Variants in ZC3HAV1 observed in about 807,000 individuals in gnomAD.
ZC3HAV1 encodes zinc finger CCCH-type antiviral protein 1.
ZC3HAV1 carries 41 observed loss-of-function variants against 86.6 expected under a neutral mutation model. The observed-to-expected ratio is 0.47, with a 90% CI of 0.37 to 0.61. The LOEUF is 0.61. Among genes scored for constraint, ZC3HAV1 ranks in the 20% least tolerant of loss-of-function variants. The pLI, the probability that ZC3HAV1 is intolerant of heterozygous loss-of-function variation, is 0.00. For synonymous variants in ZC3HAV1, 421 were observed against 432.1 expected, an observed-to-expected ratio of 0.97 and a Z score of 0.32; for missense variants, 964 against 1,141.1, an observed-to-expected ratio of 0.84 and a Z score of 2.24.
intron 2 of ZC3HAV1, among the ~76,000 whole-genome samples, chr7:139,084,264 C>G (rs1162771176): frequency 6.6e-6 from 1 of 152,166 alleles, no homozygotes; most frequent in Non-Finnish European, 1.5e-5. Context: ...TTTGATAACC[C>G]TTGGAAGAAT....
At chr7:139,072,262 T>C (rs770222593) in intron 7 of ZC3HAV1, among the ~76,000 whole-genome samples, 50 of 152,050 alleles carry the variant, frequency 3.3e-4, no homozygotes, top group Non-Finnish European at 5.0e-4. Context: ...CTCGGCTCAC[T>C]GCAACCTCTG....
At chr7:139,095,862 G>A (rs992954569) in intron 1 of ZC3HAV1, among the ~76,000 whole-genome samples, 1 of 152,160 alleles carries the variant, frequency 6.6e-6, no homozygotes, top group African/African-American at 2.4e-5. Context: ...AAATCAGAAG[G>A]TAGGAGACGG....
chr7:139,107,492 T>A (rs528280393), intron 1 of ZC3HAV1, among the ~76,000 whole-genome samples: 7 of 152,210 alleles, frequency 4.6e-5, no homozygotes, highest in Non-Finnish European at 1.0e-4. Context: ...GGAGTTTTTG[T>A]TAGGTGCGTG....
At chr7:139,066,980 C>G (rs1268298046) in intron 7 of ZC3HAV1, among the ~76,000 whole-genome samples, 2 of 152,120 alleles carry the variant, frequency 1.3e-5, no homozygotes, top group East Asian at 3.8e-4. Context: ...TCAGCCAGCT[C>G]CCGGGTGATG....
intron 1 of ZC3HAV1, among the ~76,000 whole-genome samples, chr7:139,100,643 A>G (rs1276628352): frequency 6.6e-6 from 1 of 152,234 alleles, no homozygotes; most frequent in Non-Finnish European, 1.5e-5. Context: ...CCACTTGGCC[A>G]CTATGTGAGG....
intron 5 of ZC3HAV1, among the ~76,000 whole-genome samples, chr7:139,077,969 T>C (rs1327634154): frequency 6.6e-6 from 1 of 152,324 alleles, no homozygotes; most frequent in East Asian, 1.9e-4. Context: ...CTGGGCACAG[T>C]GGCTCATGCC....
chr7:139,106,547 G>C (rs2130744081), intron 1 of ZC3HAV1, among the ~76,000 whole-genome samples: 1 of 152,314 alleles, frequency 6.6e-6, no homozygotes, highest in African/African-American at 2.4e-5. Flanking sequence ...CTGGGAGGCA[G>C]AGTTTGCAGT....
intron 10 of ZC3HAV1, among the ~76,000 whole-genome samples, 177 bp from the exon 11 acceptor site, chr7:139,054,272 G>A (rs1440095802): frequency 6.6e-6 from 1 of 152,172 alleles, no homozygotes; most frequent in African/African-American, 2.4e-5. Flanking sequence ...ATTAATCAGA[G>A]AGGCAGCGGG....
chr7:139,079,463 T>C lies in ZC3HAV1; in HGVS notation c.1471+7A>G. 1 of 1,614,134 alleles carries C rather than the reference T, an allele frequency of 6.2e-7. No individual in the cohort carries two copies. Among genetic ancestry groups the C allele is most frequent in the Admixed American group, 1.7e-5 (1 of 60,002 alleles). The stretch of plus-strand genomic sequence containing the variant: ...ACTAGCCCAAAGTGTCTTCCCTTTG[T>C]ATTTACCGTTAACAAGTGCTACTCT... On this transcript the variant is annotated splice_region_variant and intron_variant, in intron 4 of 12. Transcript: ENST00000242351.
At position 139,076,463 on chromosome 7, in the gene ZC3HAV1, T is replaced by G; in HGVS notation, c.1574-54A>C. On this transcript the variant is annotated intron_variant, in intron 5 of 12. Coordinates refer to ENST00000242351, the MANE Select transcript of ZC3HAV1 (RefSeq NM_020119.4). ...ACTGTTGAGCAGGGATTCTAACCAA[T>G]TCAGTCAAGTTCACTGCCAGCTTTC... The G allele has an allele frequency of 1.9e-6, 3 of 1,601,466 alleles. No individual in the cohort carries two copies. In the South Asian group the frequency reaches 3.3e-5, roughly 18 times the overall value.
chr7:139,057,595 G>A (rs1165118643), intron 9 of ZC3HAV1, among the ~76,000 whole-genome samples: 2 of 19,916 alleles, frequency 1.0e-4, no homozygotes, highest in African/African-American at 3.1e-4. Context: ...CTGGAGTGCA[G>A]TGGCGCGATC....
intron 10 of ZC3HAV1, 96 bp from the exon 11 acceptor site, chr7:139,054,191 C>A (rs1816217441): frequency 7.9e-7 from 1 of 1,269,542 alleles, no homozygotes; most frequent in Non-Finnish European, 1.0e-6. Context: ...AGTATTGTTA[C>A]CAGGGTTCTT....
rs554568246 is a variant in ZC3HAV1 at position 139,079,830 on chromosome 7, C to T, written c.1111G>A (p.Ala371Thr). 1.1e-5 allele frequency: 18 copies of T among 1,614,078 alleles called. No individual in the cohort carries two copies. The East Asian group carries it at 1.3e-4, about 12-fold the overall frequency. The stretch of plus-strand genomic sequence containing the variant: ...GGAGAAAACACAGTCTTTCTCCTGG[C>T]GCCTTGGTCATTCGTCCAGGATGTG... ...SLTSWTNDQG[A>T]RRKTVFSPTL... is the part of the protein sequence containing the mutation. The change falls in exon 4 of 13, where the codon GCC (alanine) becomes ACC (threonine). Residue 371 changes from alanine (A) to threonine (T), a missense_variant. Transcript: ENST00000242351.
intron 3 of ZC3HAV1, 23 bp downstream of exon 3, chr7:139,083,757 A>G: frequency 2.6e-6 from 4 of 1,561,326 alleles, no homozygotes; most frequent in Non-Finnish European, 3.5e-6. Context: ...AGTTCACACA[A>G]TTGAAAAAGA....
chr7:139,064,750 T>C, intron 8 of ZC3HAV1, 129 bp downstream of exon 8: 2 of 1,474,730 alleles, frequency 1.4e-6, no homozygotes, highest in Non-Finnish European at 1.8e-6. Flanking sequence ...TAGCTTGCAC[T>C]CCACCGCCTT....
rs1363022078 is a variant in ZC3HAV1 at position 139,043,934 on chromosome 7, G to A, written c.*3660C>T. On this transcript the variant is annotated 3_prime_UTR_variant, in exon 13 of 13. Transcript: ENST00000242351. The stretch of plus-strand genomic sequence containing the variant: ...GAAAAAATCAGTGGTTCTCACTGTG[G>A]TCAGTGGGTTATTGGTGGTTTCATA... The A allele has an allele frequency of 1.3e-5, 2 of 152,212 alleles. No homozygotes were observed. The highest frequency in any genetic ancestry group is 2.9e-5 in the Non-Finnish European group (2 of 68,058). 9.4% of individuals were successfully genotyped at this position (152,212 alleles called of 1,614,324 possible). A position where few individuals can be genotyped will look rare whatever the true frequency, so the allele number is the denominator to read the frequency against.
At chr7:139,050,177 C>T (rs549117465) in intron 12 of ZC3HAV1, among the ~76,000 whole-genome samples, 1 of 152,250 alleles carries the variant, frequency 6.6e-6, no homozygotes, top group Non-Finnish European at 1.5e-5. Flanking sequence ...TTTGTCTGTT[C>T]ACTTTGTTAA....
intron 1 of ZC3HAV1, among the ~76,000 whole-genome samples, chr7:139,097,411 T>C (rs1426107944): frequency 5.0e-5 from 4 of 79,506 alleles, no homozygotes; most frequent in East Asian, 4.1e-4. Flanking sequence ...CATATATATA[T>C]ATATATATAT....
intron 1 of ZC3HAV1, among the ~76,000 whole-genome samples, chr7:139,098,360 G>A (rs1817666513): frequency 6.6e-6 from 1 of 152,118 alleles, no homozygotes; most frequent in Non-Finnish European, 1.5e-5. Flanking sequence ...TTCCATCATA[G>A]AATGTTTAAA....
Sources: gnomAD v4.1 joint callset for allele counts (sites outside exome capture counted in the v4.1 genomes callset) on GRCh38, gnomAD v4.1.1 for gene constraint, MANE v1.5 for transcripts, NCBI Gene and HGNC (gene_info 2026-07-23, HGNC 2026-07-21) for gene names.